RIOK3: variants seen among roughly 807,000 people sequenced by gnomAD.
RIOK3 encodes the protein RIO kinase 3.
Under a neutral mutation model 63.5 loss-of-function variants are expected in RIOK3, and 40 were observed. The ratio of observed to expected loss-of-function variants is 0.63; its 90% confidence interval spans 0.49 to 0.82. The LOEUF is 0.82. RIOK3 is among the 40% of genes least tolerant of loss of function. RIOK3 has a pLI of 0.00. For missense variants in RIOK3, 557 were observed against 637.0 expected (o/e 0.87, Z 1.35); for synonymous variants, 193 against 205.0 (o/e 0.94, Z 0.50).
At chr18:23,472,232 CA>C (rs34781307) in intron 7 of RIOK3, among the ~76,000 whole-genome samples, 27,535 of 138,660 alleles carry the variant, frequency 0.2, 3,573 homozygotes, top group East Asian at 0.36. Context: ...GACTCTGTCT[CA>C]AAAAAAAAAA....
Position 23,473,409 on chromosome 18 carries a change from A to AT in RIOK3, c.816-12dup, listed in dbSNP as rs763947431. 1.9e-5 allele frequency: 30 copies of AT among 1,548,836 alleles called. No individual in the cohort carries two copies. The highest frequency in any genetic ancestry group is 4.6e-4 in the Middle Eastern group (2 of 4,312). ...TGAGCTGGCAACTTGTACTGACTTG[A>AT]TTTTTTTTCTTCCACTTAGCATGGA... is the stretch of plus-strand genomic sequence containing the variant. On this transcript the variant is annotated intron_variant, in intron 7 of 12. Transcript: ENST00000339486.
chr18:23,476,577 G>T (rs2057492273), intron 9 of RIOK3, among the ~76,000 whole-genome samples: 1 of 152,080 alleles, frequency 6.6e-6, no homozygotes, highest in African/African-American at 2.4e-5. Flanking sequence ...TTCTATTAAG[G>T]CTGGAAAACA....
rs529223494 is a variant in RIOK3, at chr18:23,469,256, G to C, written c.815+1730G>C. Among the ~76,000 whole-genome samples the C allele has an allele frequency of 1.8e-3, 266 of 150,158 alleles. 1 individual carries two copies. The highest frequency in any genetic ancestry group is 6.2e-3 in the African/African-American group (256 of 40,972). ...ATTATACAGGGGTGTGCACACCAAG[G>C]GGGCTGGGAGTTTTGCTTTCCACAA... On this transcript the variant is annotated intron_variant, in intron 7 of 12. Transcript: ENST00000339486.
At chr18:23,476,794 C>A (rs1162399513) in intron 9 of RIOK3, among the ~76,000 whole-genome samples, 1 of 152,028 alleles carries the variant, frequency 6.6e-6, no homozygotes, top group East Asian at 1.9e-4. Flanking sequence ...TGCCTGTAGT[C>A]CGAGCTACTT....
chr18:23,479,269 A>T, intron 11 of RIOK3, 48 bp from the exon 12 acceptor site: 1 of 1,217,368 alleles, frequency 8.2e-7, no homozygotes, highest in Non-Finnish European at 1.2e-6. Context: ...AGTTTATAAG[A>T]GAACATTGCT....
chr18:23,453,645 G>C, intron 1 of RIOK3, 143 bp downstream of exon 1: 1 of 723,068 alleles, frequency 1.4e-6, no homozygotes, highest in Non-Finnish European at 2.4e-6. Context: ...CACTGGCCGC[G>C]GGGGTGCCGG....
intron 8 of RIOK3, among the ~76,000 whole-genome samples, chr18:23,474,035 T>G (rs1225955033): frequency 6.6e-6 from 1 of 152,252 alleles, no homozygotes; most frequent in Non-Finnish European, 1.5e-5. Flanking sequence ...TACTTGTATC[T>G]GAATTTTCTA....
At chr18:23,469,364 TCCCTCCCTCCCTC>T (rs1568384446) in intron 7 of RIOK3, among the ~76,000 whole-genome samples, 1 of 3,108 alleles carries the variant, frequency 3.2e-4, no homozygotes, top group Non-Finnish European at 6.2e-4. Flanking sequence ...TCTCCCTCCC[TCCCTCCCTCCCTC>T]CCCTCCCTCC....
At position 23,477,031 on chromosome 18, in the gene RIOK3, G is replaced by A; in HGVS notation, c.1199G>A (p.Cys400Tyr). 1 of 1,613,808 alleles carries A rather than the reference G, an allele frequency of 6.2e-7. No individual in the cohort carries two copies. The highest frequency in any genetic ancestry group is 8.5e-7 in the Non-Finnish European group (1 of 1,179,884). The stretch of plus-strand genomic sequence containing the variant: ...TTGATGCGGCAGTTATATCATGAAT[G>A]TACGCTTGTCCATGCTGACCTCAGT... Reference protein sequence around the residue: ...LHLMRQLYHECTLVHADLSEY... With the variant: ...LHLMRQLYHEYTLVHADLSEY... The change falls in exon 10 of 13, where the codon TGT (cysteine) becomes TAT (tyrosine). Residue 400 changes from cysteine to tyrosine, a missense_variant. Physicochemically the swap from Cys to Tyr is radical, Grantham distance 194. Around this residue, in one of 3 missense-constraint regions of RIOK3, gnomAD observed 309 missense variants for 338.7 expected, o/e 0.91. Coordinates refer to ENST00000339486, the MANE Select transcript of RIOK3 (RefSeq NM_003831.5).
At chr18:23,471,926 C>T (rs960226715) in intron 7 of RIOK3, among the ~76,000 whole-genome samples, 2 of 152,048 alleles carry the variant, frequency 1.3e-5, no homozygotes, top group Non-Finnish European at 2.9e-5. Context: ...AAAGTCAGGA[C>T]TGGGATAGAA....
chr18:23,459,973 C>T (rs1277329270), intron 1 of RIOK3, among the ~76,000 whole-genome samples: 2 of 152,172 alleles, frequency 1.3e-5, no homozygotes, highest in Non-Finnish European at 2.9e-5. Context: ...GGATTACAGG[C>T]GTGAGCCACT....
At chr18:23,480,551 G>GCACACACA (rs1362909473) in intron 12 of RIOK3, among the ~76,000 whole-genome samples, 53 of 46,872 alleles carry the variant, frequency 1.1e-3, no homozygotes, top group South Asian at 1.9e-3. Context: ...ATACTTGGAT[G>GCACACACA]CACGCACACA....
At position 23,474,940 on chromosome 18, in the gene RIOK3, A is replaced by T. The variant is rs1393333951; in HGVS notation, c.1014-8A>T. 1 of 1,591,902 alleles carries T rather than the reference A, an allele frequency of 6.3e-7. No individual in the cohort carries two copies. Among genetic ancestry groups the T allele is most frequent in the Non-Finnish European group, 8.6e-7 (1 of 1,163,166 alleles). ...TCTGTATATTCTGAATCATTTCTTTATGTATAGAATGCAGAGAGCTGGAAT... is the reference window on the plus strand; with the variant it reads ...TCTGTATATTCTGAATCATTTCTTTTTGTATAGAATGCAGAGAGCTGGAAT... On this transcript the variant is annotated splice_polypyrimidine_tract_variant and splice_region_variant and intron_variant, in intron 8 of 12. Transcript: ENST00000339486.
intron 7 of RIOK3, 70 bp downstream of exon 7, chr18:23,467,596 A>G: frequency 2.8e-6 from 4 of 1,449,082 alleles, no homozygotes; most frequent in Non-Finnish European, 3.8e-6. Flanking sequence ...ATGAATTTAC[A>G]CAGAATCAAA....
intron 1 of RIOK3, among the ~76,000 whole-genome samples, chr18:23,455,838 A>G (rs1456799654): frequency 1.3e-5 from 2 of 148,984 alleles, no homozygotes; most frequent in African/African-American, 5.0e-5. Context: ...TCGCTCTGTC[A>G]CCAGGCTGGA....
At chr18:23,470,700 A>G (rs1409574757) in intron 7 of RIOK3, among the ~76,000 whole-genome samples, 1 of 152,218 alleles carries the variant, frequency 6.6e-6, no homozygotes, top group Admixed American at 6.5e-5. Flanking sequence ...AGTAGGTAGT[A>G]AAGTGGTGTA....
At chr18:23,462,416 C>G (rs1271250325) in intron 1 of RIOK3, among the ~76,000 whole-genome samples, 1 of 152,202 alleles carries the variant, frequency 6.6e-6, no homozygotes, top group Non-Finnish European at 1.5e-5. Context: ...GCTAGGATTA[C>G]AGGCGCGCGC....
chr18:23,467,371 T>G (rs1388888279), intron 6 of RIOK3, 28 bp from the exon 7 acceptor site: 2 of 1,586,962 alleles, frequency 1.3e-6, no homozygotes, highest in Admixed American at 3.7e-5. Context: ...AGCAGTCATT[T>G]TCACTTACAG....
intron 7 of RIOK3, among the ~76,000 whole-genome samples, chr18:23,467,945 T>G (rs1351516641): frequency 6.6e-6 from 1 of 151,970 alleles, no homozygotes; most frequent in Non-Finnish European, 1.5e-5. Flanking sequence ...GCCTGGCTAA[T>G]TTTTGTATTT....
Sources: allele counts gnomAD v4.1 joint callset (sites outside exome capture counted in the v4.1 genomes callset), GRCh38; gene constraint gnomAD v4.1.1; regional missense constraint gnomAD v4.1.1; transcripts MANE v1.5; gene names NCBI Gene and HGNC (gene_info 2026-07-23, HGNC 2026-07-21).